The following PPARA variants were observed in gnomAD, a reference collection of about 807,000 sequenced individuals.
The protein encoded by PPARA is peroxisome proliferator activated receptor alpha, also known as peroxisome proliferator-activated receptor alpha.
Under a neutral mutation model 42.2 loss-of-function variants are expected in PPARA, and 22 were observed. The observed-to-expected ratio is 0.52, with a 90% confidence interval of 0.37 to 0.74. The LOEUF is 0.74. Among genes scored for constraint, PPARA ranks in the 30% least tolerant of loss-of-function variants. The probability of loss-of-function intolerance (pLI) is 0.00; values close to 1 mark genes in which losing one functional copy is unlikely to be tolerated. For missense variants in PPARA, 465 were observed against 608.2 expected (o/e 0.76, Z 2.48); for synonymous variants, 242 against 239.3 (o/e 1.01, Z -0.10).
At position 46,213,912 on chromosome 22, in the gene PPARA, G is replaced by C. The variant is rs79861560; in HGVS notation, c.209-1261G>C. Among the ~76,000 whole-genome samples the C allele has an allele frequency of 1.1e-4, 16 of 152,204 alleles. No individual in the cohort carries two copies. The East Asian group carries it at 2.9e-3, about 28-fold the overall frequency. ...CCCCCATTTTTCAATTGAGTTGTTTGTTTTAAGACCTCTTTGTATATTACC... is the reference window on the plus strand; with the variant it reads ...CCCCCATTTTTCAATTGAGTTGTTTCTTTTAAGACCTCTTTGTATATTACC... On this transcript the variant is annotated intron_variant, in intron 4 of 8. Transcript: ENST00000407236.
In PPARA at chr22:46,216,115, G is replaced by A. The variant is rs1934461658; in HGVS notation, c.369+782G>A. On this transcript the variant is annotated intron_variant, in intron 5 of 8. Coordinates refer to ENST00000407236, the MANE Select transcript of PPARA (RefSeq NM_005036.6). This position sits in a 1 kb window ranked among gnomAD's most constrained non-coding sequence, Gnocchi z 4.5. The stretch of plus-strand genomic sequence containing the variant: ...AAGTCACATTGGACCGGGTGCAGTG[G>A]CTCACGCCTATAATCTCAGCACTTT... 6.6e-6 allele frequency among the ~76,000 whole-genome samples: 1 copy of A among 152,154 alleles called. No homozygotes were observed. The highest frequency in any genetic ancestry group is 2.1e-4 in the South Asian group (1 of 4,836).
At chr22:46,151,555 T>C (rs1924435940) in intron 1 of PPARA, among the ~76,000 whole-genome samples, 2 of 152,230 alleles carry the variant, frequency 1.3e-5, no homozygotes, top group Admixed American at 1.3e-4. Flanking sequence ...AGAGAGGAAG[T>C]GTGCTCCAAG....
In PPARA at chr22:46,171,837, A is replaced by G. The variant is rs1341365891; in HGVS notation, c.-126-4916A>G. ...TGTGAAAGGCCATGGGATGGGGACC[A>G]GCGAGGGCTTCTTAGGGGACTGGAT... On this transcript the variant is annotated intron_variant, in intron 2 of 8. Transcript: ENST00000407236. The surrounding 1 kb of genome is among the most constrained non-coding windows in gnomAD (Gnocchi z 5.0). 6.6e-6 allele frequency among the ~76,000 whole-genome samples: 1 copy of G among 152,184 alleles called. No individual in the cohort carries two copies. Among genetic ancestry groups the G allele is most frequent in the East Asian group, 1.9e-4 (1 of 5,194 alleles).
rs1304514591 is a variant in PPARA, at chr22:46,184,445, C to G, written c.-43+7609C>G. ...TGGGGAAAACAGGAGCTTTGCTACC[C>G]TTGCACCTGATGGAGGGCTTCTCTG... On this transcript the variant is annotated intron_variant, in intron 3 of 8. Transcript: ENST00000407236. This position sits in a 1 kb window ranked among gnomAD's most constrained non-coding sequence, Gnocchi z 4.4. 6.6e-6 allele frequency among the ~76,000 whole-genome samples: 1 copy of G among 152,204 alleles called. No individual in the cohort carries two copies. Among genetic ancestry groups the G allele is most frequent in the Non-Finnish European group, 1.5e-5 (1 of 68,038 alleles).
At chr22:46,220,066 G>A (rs769412433) in intron 7 of PPARA, 52 bp downstream of exon 7, 10 of 1,580,136 alleles carry the variant, frequency 6.3e-6, no homozygotes, top group African/African-American at 2.7e-5. Context: ...AACCAGTGTC[G>A]TAGAGGACGA....
chr22:46,182,197 C>G lies in PPARA; in HGVS notation c.-43+5361C>G, dbSNP rs1930063736. On this transcript the variant is annotated intron_variant, in intron 3 of 8. Coordinates refer to ENST00000407236, the MANE Select transcript of PPARA (RefSeq NM_005036.6). This position sits in a 1 kb window ranked among gnomAD's most constrained non-coding sequence, Gnocchi z 5.2. ...TGCCTACCATGAGATCTGGCAATCC[C>G]ACTCCTAAGTATTTGGCCAAGAAAA... 6.6e-6 allele frequency among the ~76,000 whole-genome samples: 1 copy of G among 152,284 alleles called. No homozygotes were observed. The highest frequency in any genetic ancestry group is 1.9e-4 in the East Asian group (1 of 5,178).
At position 46,193,825 on chromosome 22, in the gene PPARA, T is replaced by C. The variant is rs1386747458; in HGVS notation, c.-42-4517T>C. 6.6e-6 allele frequency among the ~76,000 whole-genome samples: 1 copy of C among 152,318 alleles called. No individual in the cohort carries two copies. Among genetic ancestry groups the C allele is most frequent in the East Asian group, 1.9e-4 (1 of 5,182 alleles). On this transcript the variant is annotated intron_variant, in intron 3 of 8. Coordinates refer to ENST00000407236, the MANE Select transcript of PPARA (RefSeq NM_005036.6). The surrounding 1 kb of genome is among the most constrained non-coding windows in gnomAD (Gnocchi z 5.3). ...ACTGAAGATCTAATTCAGTGCTGTT[T>C]GCATTGTCTTGCCTCCTGGACCAGA...
intron 5 of PPARA, among the ~76,000 whole-genome samples, chr22:46,215,800 G>A (rs1934431605): frequency 2.0e-5 from 3 of 152,090 alleles, no homozygotes; most frequent in Admixed American, 2.0e-4. Context: ...TGATAGATTA[G>A]CCTCTCTTTA....
chr22:46,169,170 A>G (rs1462134248), intron 2 of PPARA, among the ~76,000 whole-genome samples: 1 of 152,010 alleles, frequency 6.6e-6, no homozygotes, highest in Middle Eastern at 3.2e-3. Context: ...AGTGAAAATG[A>G]AAACTGTGGG....
rs538070032 is a variant in PPARA, at chr22:46,180,367, G to C, written c.-43+3531G>C. Among the ~76,000 whole-genome samples the C allele has an allele frequency of 5.9e-5, 9 of 152,006 alleles. No homozygotes were observed. Among genetic ancestry groups the C allele is most frequent in the Non-Finnish European group, 1.3e-4 (9 of 68,014 alleles). On this transcript the variant is annotated intron_variant, in intron 3 of 8. Transcript: ENST00000407236. This position sits in a 1 kb window ranked among gnomAD's most constrained non-coding sequence, Gnocchi z 4.2. ...GTTTCTTTAATAAAAATGCTGTTTAGGCCCAGACTGAAAGGCTTTAAGTAA... is the reference window on the plus strand; with the variant it reads ...GTTTCTTTAATAAAAATGCTGTTTACGCCCAGACTGAAAGGCTTTAAGTAA...
chr22:46,169,459 C>T (rs1927641665), intron 2 of PPARA, among the ~76,000 whole-genome samples: 1 of 151,866 alleles, frequency 6.6e-6, no homozygotes, highest in South Asian at 2.1e-4. Flanking sequence ...TGGTCTTGAT[C>T]TCCTGCTGTC....
At chr22:46,174,490 A>G (rs1181561026) in intron 2 of PPARA, among the ~76,000 whole-genome samples, 3 of 152,122 alleles carry the variant, frequency 2.0e-5, no homozygotes, top group African/African-American at 7.2e-5. Flanking sequence ...GCTGCAGAGC[A>G]GAAAACCTGA....
rs1293743419 is a variant in PPARA at position 46,225,940 on chromosome 22, T to C, written c.712-5852T>C. Reference sequence around the variant, plus strand: ...ACACACACATGCATGCTCACACACATGCACCCAGGCACACACAAATCCACA... The same window carrying C: ...ACACACACATGCATGCTCACACACACGCACCCAGGCACACACAAATCCACA... On this transcript the variant is annotated intron_variant, in intron 7 of 8. Coordinates refer to ENST00000407236, the MANE Select transcript of PPARA (RefSeq NM_005036.6). This position sits in a 1 kb window ranked among gnomAD's most constrained non-coding sequence, Gnocchi z 4.1. Among the ~76,000 whole-genome samples the C allele has an allele frequency of 6.6e-6, 1 of 150,964 alleles. No individual in the cohort carries two copies. The highest frequency in any genetic ancestry group is 1.5e-5 in the Non-Finnish European group (1 of 67,744).
At chr22:46,215,126 G>A in intron 4 of PPARA, 47 bp from the exon 5 acceptor site, 2 of 1,600,970 alleles carry the variant, frequency 1.2e-6, no homozygotes, top group African/African-American at 1.3e-5. Flanking sequence ...TCAGACACAG[G>A]ATAGTGATGC....
At position 46,225,912 on chromosome 22, in the gene PPARA, T is replaced by G. The variant is rs921623546; in HGVS notation, c.712-5880T>G. On this transcript the variant is annotated intron_variant, in intron 7 of 8. Coordinates refer to ENST00000407236, the MANE Select transcript of PPARA (RefSeq NM_005036.6). This position sits in a 1 kb window ranked among gnomAD's most constrained non-coding sequence, Gnocchi z 4.1. ...TCACACATGTACCCACACCTGTGTG[T>G]ACACACACACATGCATGCTCACACA... is the stretch of plus-strand genomic sequence containing the variant. Among the ~76,000 whole-genome samples the G allele has an allele frequency of 7.0e-6, 1 of 143,020 alleles. No homozygotes were observed. Among genetic ancestry groups the G allele is most frequent in the Non-Finnish European group, 1.5e-5 (1 of 65,112 alleles). 93.8% of individuals were successfully genotyped at this position (143,020 alleles called of 152,430 possible).
chr22:46,173,783 G>A lies in PPARA; in HGVS notation c.-126-2970G>A, dbSNP rs1928457307. On this transcript the variant is annotated intron_variant, in intron 2 of 8. Coordinates refer to ENST00000407236, the MANE Select transcript of PPARA (RefSeq NM_005036.6). This position sits in a 1 kb window ranked among gnomAD's most constrained non-coding sequence, Gnocchi z 4.3. ...ATTAACAGAAGCGAAGTGTTCTGTG[G>A]TGTGTAGGAGCACACTGCCATTCTT... 6.6e-6 allele frequency among the ~76,000 whole-genome samples: 1 copy of A among 152,166 alleles called. No homozygotes were observed.
chr22:46,174,276 A>AGGAAGGAAGGAAGGAAGGAAGG (rs1236515954), intron 2 of PPARA, among the ~76,000 whole-genome samples: 18 of 150,630 alleles, frequency 1.2e-4, no homozygotes, highest in East Asian at 3.9e-4. Context: ...GAAGGAAGGA[A>AGGAAGGAAGGAAGGAAGGAAGG]ATTATGATAA....
chr22:46,174,236 G>GAA (rs1404835603), intron 2 of PPARA, among the ~76,000 whole-genome samples: 7 of 139,748 alleles, frequency 5.0e-5, no homozygotes, highest in African/African-American at 1.1e-4. Context: ...GAAAGAGAGA[G>GAA]AGAAAGAAAG....
At chr22:46,228,635 A>G (rs940205130) in intron 7 of PPARA, among the ~76,000 whole-genome samples, 14 of 152,224 alleles carry the variant, frequency 9.2e-5, no homozygotes, top group Non-Finnish European at 1.5e-5. Context: ...GCTCTACCAA[A>G]AAACAATAAA....
Sources: allele counts gnomAD v4.1 joint callset (sites outside exome capture counted in the v4.1 genomes callset), GRCh38; gene constraint gnomAD v4.1.1; non-coding constraint Gnocchi (gnomAD v3.1); transcripts MANE v1.5; gene names NCBI Gene and HGNC (gene_info 2026-07-23, HGNC 2026-07-21).